Variants in SQOR observed in about 807,000 individuals in gnomAD.
The protein encoded by SQOR is sulfide:quinone oxidoreductase, mitochondrial.
In SQOR, 39 loss-of-function variants were observed where a neutral mutation model predicts 48.6. That is an observed-to-expected ratio of 0.80 (90% CI 0.62 to 1.05). SQOR has a LOEUF of 1.05. Ranked by LOEUF, SQOR falls within the 50% of genes least tolerant of loss-of-function variation. The probability of loss-of-function intolerance (pLI) is 0.00; values close to 1 mark genes in which losing one functional copy is unlikely to be tolerated. For missense variants in SQOR, 561 were observed against 559.9 expected, an observed-to-expected ratio of 1.00 and a Z score of -0.02; for synonymous variants, 220 against 206.2, an observed-to-expected ratio of 1.07 and a Z score of -0.57.
chr15:45,633,411 G>A (rs994459987), upstream of SQOR, among the ~76,000 whole-genome samples: 4 of 152,024 alleles, frequency 2.6e-5, no homozygotes, highest in Non-Finnish European at 5.9e-5. Context: ...AAAAAATCAT[G>A]TTGGCTGGGT....
At chr15:45,649,740 A>C (rs186612113) in intron 1 of SQOR, among the ~76,000 whole-genome samples, 3 of 151,806 alleles carry the variant, frequency 2.0e-5, no homozygotes, top group Admixed American at 6.6e-5. Context: ...GACTTGGCCT[A>C]CCAAAGTGCT....
chr15:45,635,383 C>T (rs1894984641), intron 1 of SQOR, among the ~76,000 whole-genome samples: 1 of 152,202 alleles, frequency 6.6e-6, no homozygotes, highest in African/African-American at 2.4e-5. Context: ...GCGAGGGGTG[C>T]TTAAAAACCG....
intron 1 of SQOR, among the ~76,000 whole-genome samples, chr15:45,643,269 C>T (rs1268887474): frequency 1.3e-5 from 2 of 152,186 alleles, no homozygotes; most frequent in Non-Finnish European, 2.9e-5. Context: ...GATCTCGGCT[C>T]ACTGCAGCCT....
Position 45,691,064 on chromosome 15 carries a change from T to C in SQOR, c.*34T>C, listed in dbSNP as rs773846705. On this transcript the variant is annotated 3_prime_UTR_variant, in exon 10 of 10. Coordinates refer to ENST00000260324, the MANE Select transcript of SQOR (RefSeq NM_021199.4). ...CAGCACTTGCTCATCTTGGATGGCT[T>C]CTGGGCCAAAACTGCAGTCACTGAA... 6.3e-7 allele frequency: 1 copy of C among 1,599,352 alleles called. No homozygotes were observed. Among genetic ancestry groups the C allele is most frequent in the South Asian group, 1.1e-5 (1 of 90,768 alleles).
At chr15:45,661,736 T>C (rs1314695581) in intron 2 of SQOR, among the ~76,000 whole-genome samples, 1 of 152,226 alleles carries the variant, frequency 6.6e-6, no homozygotes, top group Non-Finnish European at 1.5e-5. Flanking sequence ...ATAGCTTTTC[T>C]GATGATCTTG....
chr15:45,655,832 C>G (rs1390258575), intron 1 of SQOR, among the ~76,000 whole-genome samples: 2 of 151,998 alleles, frequency 1.3e-5, no homozygotes, highest in African/African-American at 2.4e-5. Flanking sequence ...TACAGGTGTA[C>G]ACCACCATGC....
In SQOR at chr15:45,659,125, G is replaced by T; in HGVS notation, c.202G>T (p.Ala68Ser). Residue 68 changes from alanine (A) to serine (S), a missense_variant, in exon 2 of 10, where the codon GCA becomes TCA. Ala to Ser is a moderately conservative substitution (Grantham distance 99). Transcript: ENST00000260324. ...MAARMKRKVGAENVAIVEPSE... is the reference protein window; with the variant it reads ...MAARMKRKVGSENVAIVEPSE... ...TGCCCGCATGAAGAGGAAAGTGGGT[G>T]CAGAGAATGTGGCCATTGTTGAGCC... The T allele has an allele frequency of 6.4e-7, 1 of 1,566,446 alleles. No homozygotes were observed. Among genetic ancestry groups the T allele is most frequent in the Non-Finnish European group, 8.7e-7 (1 of 1,153,844 alleles).
intron 6 of SQOR, among the ~76,000 whole-genome samples, chr15:45,681,593 A>C (rs1309203665): frequency 1.3e-5 from 2 of 152,202 alleles, no homozygotes; most frequent in South Asian, 2.1e-4. Flanking sequence ...CAACTGCTTA[A>C]GTTTTTACCC....
chr15:45,666,042 C>G (rs189455558), intron 3 of SQOR, among the ~76,000 whole-genome samples: 2 of 151,986 alleles, frequency 1.3e-5, no homozygotes, highest in Non-Finnish European at 2.9e-5. Flanking sequence ...GGTCCTTGCT[C>G]CTTCTCCAGG....
chr15:45,668,441 T>A (rs1252638555), intron 3 of SQOR, among the ~76,000 whole-genome samples: 1 of 152,254 alleles, frequency 6.6e-6, no homozygotes, highest in Non-Finnish European at 1.5e-5. Context: ...ACATAACTTT[T>A]ATCCTCTAGG....
intron 7 of SQOR, 59 bp from the exon 8 acceptor site, chr15:45,688,278 T>A (rs1308898140): frequency 8.0e-7 from 1 of 1,242,374 alleles, no homozygotes; most frequent in East Asian, 2.4e-5. Context: ...ATTTGCAAAT[T>A]AGTTTTCATG....
chr15:45,688,112 G>A (rs932682492), intron 7 of SQOR, among the ~76,000 whole-genome samples: 5 of 152,112 alleles, frequency 3.3e-5, no homozygotes, highest in Non-Finnish European at 5.9e-5. Flanking sequence ...GGAGGGAGTC[G>A]GCTCTTTAGT....
intron 4 of SQOR, among the ~76,000 whole-genome samples, chr15:45,671,135 C>G (rs1889934647): frequency 6.6e-6 from 1 of 152,134 alleles, no homozygotes; most frequent in Non-Finnish European, 1.5e-5. Context: ...TATTACATAC[C>G]AGGAACCATG....
chr15:45,658,763 C>G (rs1432097651), intron 1 of SQOR, 144 bp from the exon 2 acceptor site: 2 of 593,988 alleles, frequency 3.4e-6, no homozygotes, highest in Non-Finnish European at 5.6e-6. Flanking sequence ...GGGACCACAG[C>G]CAGTGGGGAA....
chr15:45,689,078 A>C lies in SQOR; in HGVS notation c.1156A>C (p.Asn386His), dbSNP rs764433195. 2 of 1,614,208 alleles carry C rather than the reference A, an allele frequency of 1.2e-6. No homozygotes were observed. Among genetic ancestry groups the C allele is most frequent in the Admixed American group, 1.7e-5 (1 of 60,024 alleles). The change falls in exon 9 of 10, where the codon AAC becomes CAC. Residue 386 changes from asparagine (N) to histidine (H), a missense_variant. Coordinates refer to ENST00000260324, the MANE Select transcript of SQOR (RefSeq NM_021199.4). The part of the protein sequence containing the change: ...YTSCPLVTGY[N>H]RVILAEFDYK... ...ATCATGTCCACTGGTGACCGGCTAC[A>C]ACCGTGTGATTCTTGCTGAGTTTGA... is the stretch of plus-strand genomic sequence containing the variant.
intron 1 of SQOR, among the ~76,000 whole-genome samples, chr15:45,654,306 T>C (rs1030229936): frequency 6.6e-6 from 1 of 152,184 alleles, no homozygotes; most frequent in Admixed American, 6.5e-5. Context: ...ATTGAGATTT[T>C]TGGGCATTTT....
chr15:45,676,174 C>G lies in SQOR; in HGVS notation c.728C>G (p.Ala243Gly). 1 of 1,614,158 alleles carries G rather than the reference C, an allele frequency of 6.2e-7. No homozygotes were observed. The highest frequency in any genetic ancestry group is 8.5e-7 in the Non-Finnish European group (1 of 1,180,034). The change falls in exon 6 of 10, where the codon GCA (alanine) becomes GGA (glycine). Residue 243 changes from alanine (A) to glycine (G), a missense_variant. Transcript: ENST00000260324. ...LGAIFGVKKY[A>G]DALQEIIQER... ...GCCATTTTCGGGGTTAAGAAGTATGCAGATGCCCTGCAGGAGATCATCCAG... is the reference window on the plus strand; with the variant it reads ...GCCATTTTCGGGGTTAAGAAGTATGGAGATGCCCTGCAGGAGATCATCCAG...
At chr15:45,660,238 A>G (rs1889695266) in intron 2 of SQOR, among the ~76,000 whole-genome samples, 1 of 152,206 alleles carries the variant, frequency 6.6e-6, no homozygotes, top group South Asian at 2.1e-4. Context: ...GGGGGAGGAC[A>G]GGACAAGGAA....
At chr15:45,685,994 C>G (rs74244960) in intron 7 of SQOR, among the ~76,000 whole-genome samples, 21,226 of 121,210 alleles carry the variant, frequency 0.18, 1,902 homozygotes, top group East Asian at 0.48. Flanking sequence ...GAACTGTAGG[C>G]ATGTGTCACC....
Sources: allele counts gnomAD v4.1 joint callset (sites outside exome capture counted in the v4.1 genomes callset), GRCh38; gene constraint gnomAD v4.1.1; transcripts MANE v1.5; gene names NCBI Gene and HGNC (gene_info 2026-07-23, HGNC 2026-07-21).